Variants in LRP2 observed in about 807,000 individuals in gnomAD.
The protein encoded by LRP2 is low-density lipoprotein receptor-related protein 2.
A neutral mutation model predicts 531.0 loss-of-function variants in LRP2; 172 were observed. The observed-to-expected ratio is 0.32, with a 90% CI of 0.29 to 0.37. The LOEUF is 0.37. LRP2 is among the 10% of genes least tolerant of loss of function. LRP2 has a pLI of 1.00. For missense variants in LRP2, 5,167 were observed against 5,868.3 expected (o/e 0.88, Z 3.90); for synonymous variants, 1,992 against 2,027.6 (o/e 0.98, Z 0.47).
intron 63 of LRP2, among the ~76,000 whole-genome samples, chr2:169,158,908 T>A (rs1253585606): frequency 6.6e-6 from 1 of 151,994 alleles, no homozygotes; most frequent in Non-Finnish European, 1.5e-5. Flanking sequence ...ATCCCTGTTA[T>A]TCTGATCCAG....
At chr2:169,136,316 C>G (rs191845379) in intron 76 of LRP2, among the ~76,000 whole-genome samples, 6 of 151,928 alleles carry the variant, frequency 3.9e-5, no homozygotes, top group African/African-American at 9.7e-5. Flanking sequence ...TGCCACCCCC[C>G]CAAAAATTTT....
chr2:169,202,870 G>A lies in LRP2; in HGVS notation c.8095C>T (p.Arg2699Ter), dbSNP rs1236195196. The change falls in exon 43 of 79, where the codon CGA (arginine) becomes TGA (stop). Residue 2699 changes from arginine to a stop codon, truncating the protein, a stop_gained. Transcript: ENST00000649046. LOFTEE classifies it high-confidence loss of function. ...CAGGTGAAGGAAGATGCACCACATC[G>A]TTCACCATTGTCCACAATGCAGTGC... is the stretch of plus-strand genomic sequence containing the variant. ...RKHCIVDNGERCGASSFTCSN... is the reference protein window; with the variant it reads ...RKHCIVDNGE 1 of 1,614,156 alleles carries A rather than the reference G, an allele frequency of 6.2e-7. No individual in the cohort carries two copies. The highest frequency in any genetic ancestry group is 8.5e-7 in the Non-Finnish European group (1 of 1,180,020).
rs1686089736 is a variant in LRP2, at chr2:169,150,796, C to T, written c.12590+102G>A. 4 of 1,452,094 alleles carry T rather than the reference C, an allele frequency of 2.8e-6. No individual in the cohort carries two copies. In the South Asian group the frequency reaches 4.7e-5, roughly 17 times the overall value. 90.0% of individuals were successfully genotyped at this position (1,452,094 alleles called of 1,614,324 possible). A position where few individuals can be genotyped will look rare whatever the true frequency, so the allele number is the denominator to read the frequency against. ...ACGCTACTCCCAAAAACTTGAAGGA[C>T]AATTTCAGTTAAACTAGGAAAAAAA... On this transcript the variant is annotated intron_variant, in intron 68 of 78. Coordinates refer to ENST00000649046, the MANE Select transcript of LRP2 (RefSeq NM_004525.3).
Position 169,160,685 on chromosome 2 carries a change from A to AAAAAAAAAAAAACAAAAAAAAC in LRP2, c.11887+1786_11887+1787insGTTTTTTTTGTTTTTTTTTTTT, listed in dbSNP as rs970862922. On this transcript the variant is annotated intron_variant, in intron 63 of 78. Coordinates refer to ENST00000649046, the MANE Select transcript of LRP2 (RefSeq NM_004525.3). ...TTGTTTGTGCTACTTATTTCCTTAA[A>AAAAAAAAAAAAACAAAAAAAAC]AAAAAAAAAACCTGCTACTAATTAA... 5.9e-4 allele frequency among the ~76,000 whole-genome samples: 56 copies of AAAAAAAAAAAAACAAAAAAAAC among 94,280 alleles called. 1 individual carries two copies. Among genetic ancestry groups the AAAAAAAAAAAAACAAAAAAAAC allele is most frequent in the African/African-American group, 2.1e-3 (47 of 22,016 alleles). 61.9% of individuals were successfully genotyped at this position (94,280 alleles called of 152,430 possible).
Position 169,290,878 on chromosome 2 carries a change from C to G in LRP2, c.889G>C (p.Asp297His). 6.2e-7 allele frequency: 1 copy of G among 1,614,154 alleles called. No homozygotes were observed. The highest frequency in any genetic ancestry group is 8.5e-7 in the Non-Finnish European group (1 of 1,180,016). Reference protein sequence around the residue: ...DGILDCPGREDENNTSTGKYC... With the variant: ...DGILDCPGREHENNTSTGKYC... Reference sequence around the variant, plus strand: ...TTTCCGGTACTAGTGTTGTTTTCATCTTCTCTTCCTGGGCAATCTAAAATC... The same window carrying G: ...TTTCCGGTACTAGTGTTGTTTTCATGTTCTCTTCCTGGGCAATCTAAAATC... The change falls in exon 8 of 79, where the codon GAT becomes CAT. Residue 297 changes from aspartate (D) to histidine (H), a missense_variant. Physicochemically the swap from Asp to His is moderately conservative, Grantham distance 81. Coordinates refer to ENST00000649046, the MANE Select transcript of LRP2 (RefSeq NM_004525.3).
At chr2:169,328,362 A>G (rs1197941192) in intron 1 of LRP2, among the ~76,000 whole-genome samples, 3 of 131,108 alleles carry the variant, frequency 2.3e-5, no homozygotes, top group Non-Finnish European at 4.9e-5. Context: ...CACCCCTACT[A>G]GGAAGTGAGG....
chr2:169,223,857 C>T (rs1009262523), intron 33 of LRP2, among the ~76,000 whole-genome samples: 3 of 152,208 alleles, frequency 2.0e-5, no homozygotes, highest in African/African-American at 7.2e-5. Flanking sequence ...GCTACCAGAA[C>T]TGCCTGCCCT....
intron 46 of LRP2, among the ~76,000 whole-genome samples, chr2:169,196,016 A>G (rs1687990942): frequency 1.3e-5 from 2 of 152,254 alleles, no homozygotes; most frequent in Non-Finnish European, 2.9e-5. Flanking sequence ...GCTTAATAAT[A>G]GAGGCAGTTA....
chr2:169,164,720 T>C (rs1231613552), intron 62 of LRP2, among the ~76,000 whole-genome samples: 1 of 152,188 alleles, frequency 6.6e-6, no homozygotes, highest in Admixed American at 6.5e-5. Flanking sequence ...TTTTAAGCCA[T>C]TGAAATGTTG....
chr2:169,289,783 ATTT>A (rs975411707), intron 8 of LRP2, among the ~76,000 whole-genome samples: 1 of 151,892 alleles, frequency 6.6e-6, no homozygotes, highest in Non-Finnish European at 1.5e-5. Context: ...AGGTGATTAT[ATTT>A]TTTTCTTTTG....
intron 28 of LRP2, among the ~76,000 whole-genome samples, chr2:169,236,798 T>G (rs1689621647): frequency 6.6e-6 from 1 of 152,206 alleles, no homozygotes; most frequent in Non-Finnish European, 1.5e-5. Context: ...GGACTATTAC[T>G]GCATGCAGTA....
chr2:169,207,347 G>T lies in LRP2; in HGVS notation c.6470-97C>A, dbSNP rs967643556. On this transcript the variant is annotated intron_variant, in intron 38 of 78. Transcript: ENST00000649046. ...TCAGAACAAAATATATAAGGTTGAA[G>T]TCTGGGTCACTATATGTTGTCTTTT... 19 of 850,096 alleles carry T rather than the reference G, an allele frequency of 2.2e-5. No individual in the cohort carries two copies. In the East Asian group the frequency reaches 2.6e-4, roughly 12 times the overall value. 52.7% of individuals were successfully genotyped at this position (850,096 alleles called of 1,614,324 possible).
intron 72 of LRP2, among the ~76,000 whole-genome samples, chr2:169,140,249 T>A (rs1685668906): frequency 6.6e-6 from 1 of 152,200 alleles, no homozygotes; most frequent in Non-Finnish European, 1.5e-5. Context: ...TTGAACCAGA[T>A]CTCCACGGGA....
At chr2:169,281,584 T>G (rs1341415183) in intron 10 of LRP2, among the ~76,000 whole-genome samples, 3 of 151,106 alleles carry the variant, frequency 2.0e-5, no homozygotes, top group African/African-American at 7.3e-5. Flanking sequence ...CTGGGTGTGG[T>G]GGCAGAAGCC....
At chr2:169,196,840 T>C (rs749373513) in intron 46 of LRP2, 71 bp downstream of exon 46, 1 of 1,604,576 alleles carries the variant, frequency 6.2e-7, no homozygotes, top group African/African-American at 1.3e-5. Context: ...GGTCTGTATT[T>C]GAAGCAGTTG....
At chr2:169,268,384 G>C (rs932629284) in intron 16 of LRP2, among the ~76,000 whole-genome samples, 4 of 152,008 alleles carry the variant, frequency 2.6e-5, no homozygotes, top group South Asian at 2.1e-4. Context: ...CCGAATCCAG[G>C]ATCACATCAA....
chr2:169,223,103 T>C (rs560470872), intron 33 of LRP2, among the ~76,000 whole-genome samples: 52 of 152,316 alleles, frequency 3.4e-4, no homozygotes, highest in South Asian at 6.2e-4. Flanking sequence ...ATAGAAAGCA[T>C]TTCCTAGTGC....
rs148053190 is a variant in LRP2, at chr2:169,192,421, T to C, written c.8831-388A>G. 6.9e-3 allele frequency among the ~76,000 whole-genome samples: 1,040 copies of C among 151,294 alleles called. 9 individuals are homozygous for C. The highest frequency in any genetic ancestry group is 0.034 in the Middle Eastern group (10 of 294). On this transcript the variant is annotated intron_variant, in intron 47 of 78. Transcript: ENST00000649046. ...ATAATCACACAAGCACAATGTGAAA[T>C]AGGTATTTTTACACCATTTGTATAG...
At chr2:169,264,558 T>C (rs916406124) in intron 16 of LRP2, among the ~76,000 whole-genome samples, 2 of 152,122 alleles carry the variant, frequency 1.3e-5, no homozygotes, top group African/African-American at 4.8e-5. Context: ...TCCGAAATTC[T>C]ACTTAAAAGA....
Sources: gnomAD v4.1 joint callset for allele counts (sites outside exome capture counted in the v4.1 genomes callset) on GRCh38, gnomAD v4.1.1 for gene constraint, MANE v1.5 for transcripts, NCBI Gene and HGNC (gene_info 2026-07-23, HGNC 2026-07-21) for gene names.